Variants in C3orf18 observed in about 807,000 individuals in gnomAD.
C3orf18 encodes uncharacterized protein C3orf18.
Under a neutral mutation model 14.1 loss-of-function variants are expected in C3orf18, and 12 were observed. The observed-to-expected ratio is 0.85, with a 90% confidence interval of 0.55 to 1.38. C3orf18 has a LOEUF of 1.38. C3orf18 is among the 40% of genes most tolerant of loss of function. The pLI, the probability that C3orf18 is intolerant of heterozygous loss-of-function variation, is 0.00. For missense variants in C3orf18, 196 were observed against 213.9 expected, an observed-to-expected ratio of 0.92 and a Z score of 0.52; for synonymous variants, 82 against 87.9, an observed-to-expected ratio of 0.93 and a Z score of 0.38.
In C3orf18 at chr3:50,561,026, T is replaced by C. The variant is rs111256172; in HGVS notation, c.299A>G (p.Asn100Ser). Reference sequence around the variant, plus strand: ...ATCTTGTTCCTCCGTGGGGTCGAAGTTGTACATGGGCATGAGCTGGTGGCG... The same window carrying C: ...ATCTTGTTCCTCCGTGGGGTCGAAGCTGTACATGGGCATGAGCTGGTGGCG... The part of the protein sequence containing the change: ...KLRHQLMPMY[N>S]FDPTEEQDEL... The change falls in exon 5 of 6, where the codon AAC becomes AGC. Residue 100 changes from asparagine to serine, a missense_variant. Asn to Ser is a conservative substitution (Grantham distance 46). Transcript: ENST00000357203. The C allele has an allele frequency of 9.3e-6, 15 of 1,614,010 alleles. No homozygotes were observed. The African/African-American group carries it at 9.3e-5, about 10-fold the overall frequency.
chr3:50,563,190 C>G (rs1267988458), intron 3 of C3orf18, among the ~76,000 whole-genome samples: 1 of 152,126 alleles, frequency 6.6e-6, no homozygotes, highest in Non-Finnish European at 1.5e-5. Context: ...GGTATCAATC[C>G]TCACTCTCCC....
rs1473342228 is a variant in C3orf18, at chr3:50,558,825, G to C, written c.*832C>G. ...CCCTGATGCTCCACTACATACCATG[G>C]GGTAGAGGTCGACTTGGAGGGTGGG... is the stretch of plus-strand genomic sequence containing the variant. On this transcript the variant is annotated 3_prime_UTR_variant, in exon 6 of 6. Transcript: ENST00000357203. 1.3e-5 allele frequency: 17 copies of C among 1,289,876 alleles called. No individual in the cohort carries two copies. The highest frequency in any genetic ancestry group is 1.5e-5 in the Non-Finnish European group (15 of 988,886). 79.9% of individuals were successfully genotyped at this position (1,289,876 alleles called of 1,614,324 possible). A position where few individuals can be genotyped will look rare whatever the true frequency, so the allele number is the denominator to read the frequency against.
intron 4 of C3orf18, 109 bp from the exon 5 acceptor site, chr3:50,561,173 A>G: frequency 8.4e-7 from 1 of 1,197,488 alleles, no homozygotes; most frequent in Non-Finnish European, 1.2e-6. Context: ...AACCATGCTT[A>G]GGGCCTTAAG....
Position 50,565,678 on chromosome 3 carries a change from C to T in C3orf18, c.22G>A (p.Ala8Thr). The change falls in exon 3 of 6, where the codon GCT (alanine) becomes ACT (threonine). Residue 8 changes from alanine to threonine, a missense_variant. Physicochemically the swap from Ala to Thr is moderately conservative, Grantham distance 58 (BLOSUM62 0). Transcript: ENST00000357203. This position sits in a 1 kb window ranked among gnomAD's most constrained non-coding sequence, Gnocchi z 4.4. MNSRTASARGWFSSRPPT... is the reference protein window; with the variant it reads MNSRTASTRGWFSSRPPT... ...GGGCGGCTGCTGAACCAGCCCCTAG[C>T]AGATGCGGTCCTGGAGTTCATGCTG... 6.2e-7 allele frequency: 1 copy of T among 1,611,716 alleles called. No individual in the cohort carries two copies. The highest frequency in any genetic ancestry group is 8.5e-7 in the Non-Finnish European group (1 of 1,179,932).
chr3:50,566,234 T>A (rs1700283037), intron 1 of C3orf18, 140 bp from the exon 2 acceptor site: 1 of 149,502 alleles, frequency 6.7e-6, no homozygotes, highest in African/African-American at 2.5e-5. Context: ...ACATCCCTCA[T>A]CCTGCTTGGG....
At chr3:50,562,150 G>T (rs982565994) in intron 3 of C3orf18, among the ~76,000 whole-genome samples, 4 of 152,156 alleles carry the variant, frequency 2.6e-5, no homozygotes, top group African/African-American at 9.7e-5. Context: ...CACCCGCCTC[G>T]GCCTCCCAAA....
upstream of C3orf18, chr3:50,571,255 G>A (rs201412133): frequency 7.1e-5 from 114 of 1,613,560 alleles, 2 homozygotes; most frequent in South Asian, 1.1e-3. Context: ...CTGGACTGGG[G>A]TCTTTGAGAA....
upstream of C3orf18, chr3:50,569,130 G>C (rs921299926): frequency 6.6e-6 from 1 of 152,326 alleles, no homozygotes; most frequent in African/African-American, 2.4e-5. Context: ...CGGAACACCC[G>C]GGCCCTCTGG....
chr3:50,566,540 C>T (rs2107305985), intron 1 of C3orf18, among the ~76,000 whole-genome samples: 1 of 152,242 alleles, frequency 6.6e-6, no homozygotes, highest in East Asian at 1.9e-4. Context: ...CATGGCCAAC[C>T]CAGTCACAAA....
chr3:50,566,018 C>G lies in C3orf18; in HGVS notation c.-175G>C. On this transcript the variant is annotated 5_prime_UTR_variant, in exon 2 of 6. Transcript: ENST00000357203. ...TTAGGACACATACTTTACGTATCTA[C>G]GGTGCCCCTGTTTTTGGGAACAAAA... is the stretch of plus-strand genomic sequence containing the variant. 1 of 277,232 alleles carries G rather than the reference C, an allele frequency of 3.6e-6. No homozygotes were observed. Among genetic ancestry groups the G allele is most frequent in the Non-Finnish European group, 6.8e-6 (1 of 146,090 alleles). 17.2% of individuals were successfully genotyped at this position (277,232 alleles called of 1,614,324 possible). A position where few individuals can be genotyped will look rare whatever the true frequency, so the allele number is the denominator to read the frequency against.
upstream of C3orf18, chr3:50,570,008 T>A (rs1421066672): frequency 6.6e-6 from 1 of 152,060 alleles, no homozygotes; most frequent in Non-Finnish European, 1.5e-5. Context: ...GCCCGGCCAA[T>A]TTTTTGTATT....
chr3:50,565,976 G>C lies in C3orf18; in HGVS notation c.-163+30C>G, dbSNP rs1043329364. On this transcript the variant is annotated intron_variant, in intron 2 of 5. Coordinates refer to ENST00000357203, the MANE Select transcript of C3orf18 (RefSeq NM_016210.5). The surrounding 1 kb of genome is among the most constrained non-coding windows in gnomAD (Gnocchi z 4.4). ...GTAAAGGTTTGAGGGCAAGAATGAG[G>C]GTAAGTTCAGGAGACATTAGGACAC... is the stretch of plus-strand genomic sequence containing the variant. 8 of 483,472 alleles carry C rather than the reference G, an allele frequency of 1.7e-5. No homozygotes were observed. Among genetic ancestry groups the C allele is most frequent in the African/African-American group, 1.4e-4 (7 of 51,602 alleles). 29.9% of individuals were successfully genotyped at this position (483,472 alleles called of 1,614,324 possible).
At chr3:50,568,466 T>C (rs1450324785), upstream of C3orf18, among the ~76,000 whole-genome samples, 1 of 152,002 alleles carries the variant, frequency 6.6e-6, no homozygotes, top group Non-Finnish European at 1.5e-5. Context: ...GGTGGCTCAC[T>C]CCTGTAATCC....
At chr3:50,564,879 G>C (rs187109854) in intron 3 of C3orf18, among the ~76,000 whole-genome samples, 106 of 152,280 alleles carry the variant, frequency 7.0e-4, no homozygotes, top group African/African-American at 2.4e-3. Context: ...AGAACCCTCT[G>C]TCTGCCTCCA....
intron 3 of C3orf18, 76 bp from the exon 4 acceptor site, chr3:50,561,823 C>T: frequency 1.3e-6 from 2 of 1,484,194 alleles, no homozygotes; most frequent in African/African-American, 1.4e-5. Flanking sequence ...TGGATGGGGA[C>T]ATGCTGAGGC....
At chr3:50,573,652 G>A (rs994301294), upstream of C3orf18, among the ~76,000 whole-genome samples, 4 of 152,228 alleles carry the variant, frequency 2.6e-5, no homozygotes, top group African/African-American at 7.2e-5. Context: ...AGACATTTCT[G>A]AGAACTCACC....
chr3:50,569,503 C>T (rs915535433), upstream of C3orf18: 4 of 151,922 alleles, frequency 2.6e-5, no homozygotes, highest in African/African-American at 9.6e-5. Flanking sequence ...CGCGACGGGC[C>T]ACGCACGTCC....
intron 1 of C3orf18, among the ~76,000 whole-genome samples, chr3:50,566,347 C>T (rs1173027133): frequency 1.3e-5 from 2 of 151,976 alleles, no homozygotes; most frequent in African/African-American, 4.8e-5. Flanking sequence ...ACTAGTGATC[C>T]CTAGAAAGTC....
At chr3:50,570,865 A>C, upstream of C3orf18, 1 of 420,836 alleles carries the variant, frequency 2.4e-6, no homozygotes, top group Non-Finnish European at 4.2e-6. Flanking sequence ...TTCTCAGGCA[A>C]TGTATTGGTA....
Sources: allele counts gnomAD v4.1 joint callset (sites outside exome capture counted in the v4.1 genomes callset), GRCh38; gene constraint gnomAD v4.1.1; non-coding constraint Gnocchi (gnomAD v3.1); transcripts MANE v1.5; gene names NCBI Gene and HGNC (gene_info 2026-07-23, HGNC 2026-07-21).